SEPTIN14: variants seen among roughly 807,000 people sequenced by gnomAD.
SEPTIN14 encodes the protein septin-14.
Under a neutral mutation model 53.6 loss-of-function variants are expected in SEPTIN14, and 40 were observed. That is an observed-to-expected ratio of 0.75 (90% CI 0.58 to 0.97). The LOEUF (loss-of-function observed/expected upper bound fraction) is 0.97. SEPTIN14 is among the 50% of genes least tolerant of loss of function. The probability of loss-of-function intolerance (pLI) is 0.00; values close to 1 mark genes in which losing one functional copy is unlikely to be tolerated. For synonymous variants in SEPTIN14, 138 were observed against 166.8 expected (o/e 0.83, Z 1.33); for missense variants, 471 against 508.2 (o/e 0.93, Z 0.70).
rs1418204963 is a variant in SEPTIN14 at position 55,839,113 on chromosome 7, C to T, written c.558+3829G>A. On this transcript the variant is annotated intron_variant, in intron 5 of 9. Coordinates refer to ENST00000388975, the MANE Select transcript of SEPTIN14 (RefSeq NM_207366.3). ...TATAATAAGATATTTTGAGGCCAGG[C>T]GTGGTGGCTCACACTTGTAATCCCA... is the stretch of plus-strand genomic sequence containing the variant. 2.0e-5 allele frequency among the ~76,000 whole-genome samples: 3 copies of T among 152,152 alleles called. No homozygotes were observed. The South Asian group carries it at 6.2e-4, about 32-fold the overall frequency.
At chr7:55,798,014 C>A in intron 9 of SEPTIN14, 1 of 159,816 alleles carries the variant, frequency 6.3e-6, no homozygotes, top group Non-Finnish European at 1.4e-5. Flanking sequence ...GAGCCCCTGC[C>A]AGGAACCCCT....
rs992985525 is a variant in SEPTIN14 at position 55,795,237 on chromosome 7, A to G, written c.*676T>C. The G allele has an allele frequency of 1.3e-5, 2 of 152,218 alleles. No homozygotes were observed. Among genetic ancestry groups the G allele is most frequent in the African/African-American group, 4.8e-5 (2 of 41,448 alleles). 9.4% of individuals were successfully genotyped at this position (152,218 alleles called of 1,614,324 possible). ...GTCCCCAACAAAGCCTCCAGCTTCT[A>G]TTTGGATATAAAAGTTAAAAGTCAC... On this transcript the variant is annotated 3_prime_UTR_variant, in exon 10 of 10. Coordinates refer to ENST00000388975, the MANE Select transcript of SEPTIN14 (RefSeq NM_207366.3).
chr7:55,830,977 AC>A (rs1289056862), intron 6 of SEPTIN14, among the ~76,000 whole-genome samples: 1 of 152,170 alleles, frequency 6.6e-6, no homozygotes, highest in African/African-American at 2.4e-5. Flanking sequence ...CATTACAAAG[AC>A]CACACTAACT....
intron 7 of SEPTIN14, among the ~76,000 whole-genome samples, chr7:55,814,164 T>C (rs1416219349): frequency 6.6e-6 from 1 of 152,196 alleles, no homozygotes; most frequent in Non-Finnish European, 1.5e-5. Context: ...CGTCACAGTG[T>C]TACTGGGCTT....
intron 5 of SEPTIN14, among the ~76,000 whole-genome samples, chr7:55,839,816 C>T (rs755393967): frequency 6.6e-6 from 1 of 152,058 alleles, no homozygotes; most frequent in Non-Finnish European, 1.5e-5. Context: ...AGAATGTGAC[C>T]TCAACTGAGA....
intron 7 of SEPTIN14, 97 bp downstream of exon 7, chr7:55,819,030 C>T (rs981183058): frequency 1.5e-5 from 11 of 711,242 alleles, no homozygotes; most frequent in Non-Finnish European, 2.7e-5. Context: ...GCAAGAGTTA[C>T]CAATATTAGT....
At chr7:55,846,370 G>C in intron 3 of SEPTIN14, 147 bp downstream of exon 3, 1 of 598,852 alleles carries the variant, frequency 1.7e-6, no homozygotes, top group Non-Finnish European at 2.7e-6. Context: ...AAAATAAAAG[G>C]ATTACATAAT....
rs146628721 is a variant in SEPTIN14, at chr7:55,846,991, G to T, written c.55-354C>A. On this transcript the variant is annotated intron_variant, in intron 2 of 9. Transcript: ENST00000388975. ...TCATGAGGTCAGGAGTTCGAGACCA[G>T]CCTGGCCAACATTGTGAAACCCCAT... Among the ~76,000 whole-genome samples the T allele has an allele frequency of 2.8e-3, 425 of 152,188 alleles. 5 individuals are homozygous for T. Among genetic ancestry groups the T allele is most frequent in the Middle Eastern group, 0.01 (3 of 294 alleles).
rs746498199 is a variant in SEPTIN14 at position 55,830,321 on chromosome 7, G to GTA, written c.720+4102_720+4103dup. Reference sequence around the variant, plus strand: ...GTGGTAATCAGAATGTTATCCAACTGTATATATATATATATATATATATAT... The same window carrying GTA: ...GTGGTAATCAGAATGTTATCCAACTGTATATATATATATATATATATATATAT... On this transcript the variant is annotated intron_variant, in intron 6 of 9. Transcript: ENST00000388975. 3.9e-3 allele frequency among the ~76,000 whole-genome samples: 333 copies of GTA among 84,612 alleles called. 6 individuals are homozygous for GTA. The highest frequency in any genetic ancestry group is 0.021 in the Middle Eastern group (2 of 96). The allele number at this position is 84,612 out of a possible 152,430, so 55.5% of individuals were successfully genotyped here.
chr7:55,833,771 C>A (rs886178606), intron 6 of SEPTIN14, among the ~76,000 whole-genome samples: 4 of 151,524 alleles, frequency 2.6e-5, no homozygotes, highest in Admixed American at 6.6e-5. Context: ...GAAAAAAACT[C>A]AAAATCAAAG....
chr7:55,846,598 G>A lies in SEPTIN14; in HGVS notation c.94C>T (p.His32Tyr). Residue 32 changes from histidine to tyrosine, a missense_variant, in exon 3 of 10, where the codon CAT (histidine) becomes TAT (tyrosine). Coordinates refer to ENST00000388975, the MANE Select transcript of SEPTIN14 (RefSeq NM_207366.3). ...NNIRCLTTIG[H>Y]FGFECLPNQL... is the part of the protein sequence containing the mutation. ...TTGGGCAAACATTCAAAACCAAAAT[G>A]TCCAATCGTAGTTAAACAACGAATA... 1 of 1,515,998 alleles carries A rather than the reference G, an allele frequency of 6.6e-7. No individual in the cohort carries two copies. The highest frequency in any genetic ancestry group is 9.1e-7 in the Non-Finnish European group (1 of 1,095,014). The allele number at this position is 1,515,998 out of a possible 1,614,324, so 93.9% of individuals were successfully genotyped here.
At chr7:55,808,553 C>CT (rs1584252872) in intron 7 of SEPTIN14, among the ~76,000 whole-genome samples, 1 of 151,986 alleles carries the variant, frequency 6.6e-6, no homozygotes, top group African/African-American at 2.4e-5. Flanking sequence ...TTGATAATTT[C>CT]TTTTTTTCTT....
rs367800496 is a variant in SEPTIN14 at position 55,857,710 on chromosome 7, C to T, written c.54+4233G>A. On this transcript the variant is annotated intron_variant, in intron 2 of 9. Coordinates refer to ENST00000388975, the MANE Select transcript of SEPTIN14 (RefSeq NM_207366.3). Reference sequence around the variant, plus strand: ...TCACGCCATTCTCCTGCCTCAGCCTCCCGAGCAGCTGGGACTACAGGCGCC... The same window carrying T: ...TCACGCCATTCTCCTGCCTCAGCCTTCCGAGCAGCTGGGACTACAGGCGCC... Among the ~76,000 whole-genome samples, 72 of 150,094 alleles carry T rather than the reference C, an allele frequency of 4.8e-4. 1 individual carries two copies. In the South Asian group the frequency reaches 0.015, roughly 32 times the overall value.
chr7:55,806,059 C>T (rs558532692), intron 8 of SEPTIN14, among the ~76,000 whole-genome samples: 1 of 152,116 alleles, frequency 6.6e-6, no homozygotes, highest in South Asian at 2.1e-4. Flanking sequence ...TGCAGTGGCA[C>T]GATCTCAGCT....
At chr7:55,846,662 T>C (rs1292460687) in intron 2 of SEPTIN14, 25 bp from the exon 3 acceptor site, 2 of 1,250,360 alleles carry the variant, frequency 1.6e-6, no homozygotes, top group Non-Finnish European at 2.3e-6. Context: ...AAATTTAGAG[T>C]TTTGTGTTAG....
chr7:55,801,744 A>AC (rs1209634256), intron 9 of SEPTIN14, among the ~76,000 whole-genome samples: 2 of 151,660 alleles, frequency 1.3e-5, no homozygotes, highest in African/African-American at 2.4e-5. Flanking sequence ...GCATAGTGAG[A>AC]CCCCATCTCT....
At chr7:55,843,191 C>T (rs1351315280) in intron 4 of SEPTIN14, 63 bp from the exon 5 acceptor site, 2 of 1,008,626 alleles carry the variant, frequency 2.0e-6, no homozygotes, top group East Asian at 5.2e-5. Flanking sequence ...GCTTTTTGAC[C>T]ACTTAATGAG....
rs548479232 is a variant in SEPTIN14, at chr7:55,800,112, A to C, written c.1120-4020T>G. The stretch of plus-strand genomic sequence containing the variant: ...ATTGAAGCACTATTCATAATAGCCA[A>C]AATTTGGAAGCAACCTAACTGTCCA... On this transcript the variant is annotated intron_variant, in intron 9 of 9. Transcript: ENST00000388975. Among the ~76,000 whole-genome samples, 8 of 152,326 alleles carry C rather than the reference A, an allele frequency of 5.3e-5. No individual in the cohort carries two copies. The East Asian group carries it at 1.5e-3, about 29-fold the overall frequency.
chr7:55,839,680 G>A (rs186576406), intron 5 of SEPTIN14, among the ~76,000 whole-genome samples: 96 of 152,248 alleles, frequency 6.3e-4, no homozygotes, highest in Middle Eastern at 3.4e-3. Context: ...ACTCCCAAGG[G>A]TGCTACTCTA....
Sources: allele counts gnomAD v4.1 joint callset (sites outside exome capture counted in the v4.1 genomes callset), GRCh38; gene constraint gnomAD v4.1.1; transcripts MANE v1.5; gene names NCBI Gene and HGNC (gene_info 2026-07-23, HGNC 2026-07-21).